The following PEPD variants were observed in gnomAD, a reference collection of about 807,000 sequenced individuals.
The protein encoded by PEPD is xaa-Pro dipeptidase.
PEPD carries 53 observed loss-of-function variants against 60.7 expected under a neutral mutation model. The observed-to-expected ratio is 0.87, with a 90% CI of 0.70 to 1.10. The LOEUF is 1.10. PEPD is among the 50% of genes least tolerant of loss of function. The pLI, the probability that PEPD is intolerant of heterozygous loss-of-function variation, is 0.00. For synonymous variants in PEPD, 267 were observed against 284.1 expected (o/e 0.94, Z 0.60); for missense variants, 711 against 711.9 (o/e 1.00, Z 0.01).
intron 12 of PEPD, among the ~76,000 whole-genome samples, chr19:33,400,862 C>A (rs917079004): frequency 1.3e-5 from 2 of 149,702 alleles, no homozygotes; most frequent in African/African-American, 5.1e-5. Flanking sequence ...TAGACTCCAC[C>A]CCTGCCAGGG....
At chr19:33,492,723 G>C (rs1167739038) in intron 5 of PEPD, among the ~76,000 whole-genome samples, 3 of 151,706 alleles carry the variant, frequency 2.0e-5, no homozygotes, top group Middle Eastern at 3.4e-3. Flanking sequence ...ACATCTTCTA[G>C]CCAGGTTTAA....
At chr19:33,481,920 C>T (rs1488466851) in intron 6 of PEPD, among the ~76,000 whole-genome samples, 2 of 152,046 alleles carry the variant, frequency 1.3e-5, no homozygotes, top group East Asian at 3.9e-4. Flanking sequence ...ACTTAGGAGG[C>T]TGAGGCAGGA....
intron 5 of PEPD, among the ~76,000 whole-genome samples, chr19:33,492,312 C>T (rs775393292): frequency 2.6e-5 from 4 of 152,276 alleles, no homozygotes; most frequent in Admixed American, 1.3e-4. Context: ...TGAGGGCAGA[C>T]GCCCGGTGGT....
chr19:33,503,804 C>G (rs1466397391), intron 3 of PEPD, among the ~76,000 whole-genome samples: 1 of 152,198 alleles, frequency 6.6e-6, no homozygotes, highest in Non-Finnish European at 1.5e-5. Context: ...GGAAGGCAAC[C>G]TCACGGCAGA....
chr19:33,391,328 GC>G lies in PEPD; in HGVS notation c.1118del (p.Gly373AlafsTer85). On this transcript the variant is annotated frameshift_variant, in exon 13 of 15. Coordinates refer to ENST00000244137, the MANE Select transcript of PEPD (RefSeq NM_000285.4). LOFTEE classifies it high-confidence loss of function. ...AGCCTCCCACGTCGTGCACGTCAATGCCCAGGAAGTGGCCAAGCCCGTGAGG... is the reference window on the plus strand; with the variant it reads ...AGCCTCCCACGTCGTGCACGTCAATGCCAGGAAGTGGCCAAGCCCGTGAGG... ...FMPHGLGHFL[G>X]IDVHDVGGYP... 1 of 1,612,088 alleles carries G rather than the reference GC, an allele frequency of 6.2e-7. No individual in the cohort carries two copies. The highest frequency in any genetic ancestry group is 8.5e-7 in the Non-Finnish European group (1 of 1,179,598).
intron 14 of PEPD, 57 bp downstream of exon 14, chr19:33,387,833 G>T: frequency 7.3e-7 from 1 of 1,372,924 alleles, no homozygotes; most frequent in Non-Finnish European, 1.0e-6. Flanking sequence ...GGAGTCTGCA[G>T]CTGCAGTGGA....
chr19:33,519,831 G>A (rs1971098360), intron 1 of PEPD, among the ~76,000 whole-genome samples: 1 of 152,042 alleles, frequency 6.6e-6, no homozygotes, highest in Admixed American at 6.5e-5. Flanking sequence ...TTTGGGAGGC[G>A]GAGGCGGGTG....
intron 7 of PEPD, among the ~76,000 whole-genome samples, chr19:33,469,248 C>T (rs73590274): frequency 2.0e-5 from 3 of 152,214 alleles, no homozygotes; most frequent in African/African-American, 7.2e-5. Context: ...CCTGTGCCCA[C>T]CCATCCCCAC....
intron 8 of PEPD, 79 bp downstream of exon 8, chr19:33,463,908 A>G (rs1600137009): frequency 1.1e-6 from 1 of 920,868 alleles, no homozygotes; most frequent in East Asian, 2.5e-5. Context: ...CCACCTGGAA[A>G]CCCTTCATCC....
At chr19:33,476,176 T>C (rs905616031) in intron 7 of PEPD, among the ~76,000 whole-genome samples, 1 of 152,158 alleles carries the variant, frequency 6.6e-6, no homozygotes, top group East Asian at 1.9e-4. Flanking sequence ...TGTTACTTTA[T>C]AAAAACAAGA....
rs1195105502 is a variant in PEPD at position 33,464,077 on chromosome 19, G to A, written c.549-15C>T. On this transcript the variant is annotated splice_polypyrimidine_tract_variant and intron_variant, in intron 7 of 14. Coordinates refer to ENST00000244137, the MANE Select transcript of PEPD (RefSeq NM_000285.4). ...TAAACACTCGGCTTCAGAGACAGAA[G>A]AACAAAGCAGCAAATCAGTGACTTT... The A allele has an allele frequency of 1.3e-6, 2 of 1,598,554 alleles. No individual in the cohort carries two copies. The highest frequency in any genetic ancestry group is 2.2e-5 in the East Asian group (1 of 44,802).
At chr19:33,413,407 C>T (rs538466201) in intron 10 of PEPD, among the ~76,000 whole-genome samples, 168 bp downstream of exon 10, 13 of 152,252 alleles carry the variant, frequency 8.5e-5, no homozygotes, top group African/African-American at 2.9e-4. Flanking sequence ...ACCTCAGCTC[C>T]GGGAGTCTTG....
chr19:33,501,654 G>C (rs1970716439), intron 3 of PEPD, among the ~76,000 whole-genome samples: 1 of 152,034 alleles, frequency 6.6e-6, no homozygotes, highest in Non-Finnish European at 1.5e-5. Context: ...TCCAGCCTGA[G>C]TGACAGAGCG....
At chr19:33,432,951 C>T (rs955859658) in intron 9 of PEPD, among the ~76,000 whole-genome samples, 3 of 152,234 alleles carry the variant, frequency 2.0e-5, no homozygotes, top group African/African-American at 4.8e-5. Flanking sequence ...TAGCAGCTAG[C>T]GGGTGTGGCT....
intron 12 of PEPD, among the ~76,000 whole-genome samples, chr19:33,398,114 C>G (rs1258248453): frequency 6.6e-6 from 1 of 152,224 alleles, no homozygotes; most frequent in Non-Finnish European, 1.5e-5. Flanking sequence ...CAGGCCTTGG[C>G]CCCTATGCTG....
chr19:33,500,819 G>A, intron 4 of PEPD, 119 bp downstream of exon 4: 1 of 766,354 alleles, frequency 1.3e-6, no homozygotes, highest in Non-Finnish European at 2.4e-6. Context: ...AGGGACTGGT[G>A]GCCAGGTGGT....
At chr19:33,504,778 G>T (rs866127458) in intron 3 of PEPD, among the ~76,000 whole-genome samples, 1 of 151,850 alleles carries the variant, frequency 6.6e-6, no homozygotes, top group Middle Eastern at 3.4e-3. Context: ...AAAAGAAAAA[G>T]AAATTACTGG....
rs530298608 is a variant in PEPD, at chr19:33,450,967, A to G, written c.671+12028T>C. 5.3e-5 allele frequency among the ~76,000 whole-genome samples: 8 copies of G among 152,316 alleles called. No homozygotes were observed. The South Asian group carries it at 1.7e-3, about 32-fold the overall frequency. On this transcript the variant is annotated intron_variant, in intron 9 of 14. Coordinates refer to ENST00000244137, the MANE Select transcript of PEPD (RefSeq NM_000285.4). ...TCCATAGCAATGACTTGATGAACCAAAAGTTACTAACCCCTCCCTAAAAAT... is the reference window on the plus strand; with the variant it reads ...TCCATAGCAATGACTTGATGAACCAGAAGTTACTAACCCCTCCCTAAAAAT...
intron 9 of PEPD, among the ~76,000 whole-genome samples, chr19:33,459,782 G>A (rs983457169): frequency 2.6e-5 from 4 of 152,080 alleles, no homozygotes; most frequent in African/African-American, 4.8e-5. Flanking sequence ...TTGAGTCCTG[G>A]GGTGGGTGGT....
Sources: gnomAD v4.1 joint callset for allele counts (sites outside exome capture counted in the v4.1 genomes callset) on GRCh38, gnomAD v4.1.1 for gene constraint, MANE v1.5 for transcripts, NCBI Gene and HGNC (gene_info 2026-07-23, HGNC 2026-07-21) for gene names.